The following HSPA13 variants were observed in gnomAD, a reference collection of about 807,000 sequenced individuals.
HSPA13 encodes heat shock protein family A (Hsp70) member 13.
HSPA13 carries 29 observed loss-of-function variants against 38.8 expected under a neutral mutation model. That is an observed-to-expected ratio of 0.75 (90% CI 0.56 to 1.02). HSPA13 has a LOEUF of 1.02. Among genes scored for constraint, HSPA13 ranks in the 50% least tolerant of loss-of-function variants. HSPA13 has a pLI of 0.00. For synonymous variants in HSPA13, 192 were observed against 205.3 expected (o/e 0.94, Z 0.56); for missense variants, 451 against 560.9 (o/e 0.80, Z 1.98).
Position 14,371,836 on chromosome 21 carries a change from G to T in HSPA13, c.*1781C>A, listed in dbSNP as rs1052727060. On this transcript the variant is annotated 3_prime_UTR_variant, in exon 5 of 5. Coordinates refer to ENST00000285667, the MANE Select transcript of HSPA13 (RefSeq NM_006948.5). Reference sequence around the variant, plus strand: ...AACACTTTTAGAAGACCTTCACAAAGAATTTTTCAATTCTAAAATCTATTA... The same window carrying T: ...AACACTTTTAGAAGACCTTCACAAATAATTTTTCAATTCTAAAATCTATTA... The T allele has an allele frequency of 1.3e-5, 2 of 152,318 alleles. No homozygotes were observed. The highest frequency in any genetic ancestry group is 4.8e-5 in the African/African-American group (2 of 41,408). The allele number at this position is 152,318 out of a possible 1,614,324, so 9.4% of individuals were successfully genotyped here.
At position 14,371,749 on chromosome 21, in the gene HSPA13, A is replaced by G. The variant is rs746486986; in HGVS notation, c.*1868T>C. ...TCTTGAACATCTCAAACATTTGAGA[A>G]ATTCAAGGTTTTCTTTATGTTTTAA... On this transcript the variant is annotated 3_prime_UTR_variant, in exon 5 of 5. Transcript: ENST00000285667. 5.3e-5 allele frequency: 8 copies of G among 152,122 alleles called. No homozygotes were observed. The highest frequency in any genetic ancestry group is 8.8e-5 in the Non-Finnish European group (6 of 67,944). 9.4% of individuals were successfully genotyped at this position (152,122 alleles called of 1,614,324 possible).
intron 2 of HSPA13, among the ~76,000 whole-genome samples, chr21:14,379,610 G>C (rs1418608992): frequency 2.0e-5 from 3 of 152,094 alleles, no homozygotes; most frequent in Non-Finnish European, 4.4e-5. Context: ...GTAATTCAGA[G>C]GGCATATATA....
At position 14,373,559 on chromosome 21, in the gene HSPA13, T is replaced by C; in HGVS notation, c.*58A>G. ...ACTTTCTTTTGTGGAAAAGGTAATCTGATAAATGGGAAGAGATCATCAGAC... is the reference window on the plus strand; with the variant it reads ...ACTTTCTTTTGTGGAAAAGGTAATCCGATAAATGGGAAGAGATCATCAGAC... On this transcript the variant is annotated 3_prime_UTR_variant, in exon 5 of 5. Transcript: ENST00000285667. 7.2e-7 allele frequency: 1 copy of C among 1,388,280 alleles called. No homozygotes were observed. The highest frequency in any genetic ancestry group is 9.8e-7 in the Non-Finnish European group (1 of 1,019,476). 86.0% of individuals were successfully genotyped at this position (1,388,280 alleles called of 1,614,324 possible).
chr21:14,375,565 C>T, intron 4 of HSPA13, 87 bp downstream of exon 4: 1 of 931,074 alleles, frequency 1.1e-6, no homozygotes, highest in Non-Finnish European at 1.6e-6. Context: ...ATCTCCCCAT[C>T]TCGTGATCCA....
rs757528739 is a variant in HSPA13 at position 14,373,703 on chromosome 21, C to T, written c.1330G>A (p.Ala444Thr). Reference sequence around the variant, plus strand: ...GGCCAAGAGCCTCCATCAATCCCTGCTTGGATAGCCACTCCCGTTACTACT... The same window carrying T: ...GGCCAAGAGCCTCCATCAATCCCTGTTTGGATAGCCACTCCCGTTACTACT... ...LAVVTGVAIQAGIDGGSWPLQ... is the reference protein window; with the variant it reads ...LAVVTGVAIQTGIDGGSWPLQ... The change falls in exon 5 of 5, where the codon GCA becomes ACA. Residue 444 changes from alanine to threonine, a missense_variant. By Grantham distance (58) the Ala-to-Thr change is moderately conservative. Coordinates refer to ENST00000285667, the MANE Select transcript of HSPA13 (RefSeq NM_006948.5). The T allele has an allele frequency of 6.2e-7, 1 of 1,614,132 alleles. No individual in the cohort carries two copies. Among genetic ancestry groups the T allele is most frequent in the Non-Finnish European group, 8.5e-7 (1 of 1,180,004 alleles).
chr21:14,381,684 T>C (rs1418560513), intron 1 of HSPA13, 141 bp from the exon 2 acceptor site: 3 of 583,662 alleles, frequency 5.1e-6, no homozygotes, highest in East Asian at 2.9e-5. Flanking sequence ...GGACTGCTGA[T>C]AGCACTCCTC....
At position 14,381,419 on chromosome 21, in the gene HSPA13, AG is replaced by A. The variant is rs1984165680; in HGVS notation, c.149del (p.Pro50LeufsTer6). On this transcript the variant is annotated frameshift_variant, in exon 2 of 5. Transcript: ENST00000285667. LOFTEE classifies it high-confidence loss of function. ...TTYCSVGVFF[P>X]GTGKVKVIPD... is the part of the protein sequence containing the mutation. ...GAATCACCTTTACTTTTCCTGTGCCAGGAAAAAACACCCCAACAGAACAATA... is the reference window on the plus strand; with the variant it reads ...GAATCACCTTTACTTTTCCTGTGCCAGAAAAAACACCCCAACAGAACAATA... The A allele has an allele frequency of 9.3e-6, 15 of 1,614,168 alleles. No homozygotes were observed. The highest frequency in any genetic ancestry group is 1.3e-5 in the Non-Finnish European group (15 of 1,180,018).
rs780611392 is a variant in HSPA13 at position 14,381,304 on chromosome 21, C to T, written c.265G>A (p.Asp89Asn). 1 of 1,614,100 alleles carries T rather than the reference C, an allele frequency of 6.2e-7. No individual in the cohort carries two copies. The highest frequency in any genetic ancestry group is 1.7e-5 in the Admixed American group (1 of 60,024). ...YVGYESVELA[D>N]SNPQNTIYDA... ...TATATTGTGTTTTGAGGATTTGAAT[C>T]TGCCAGCTCTACGCTTTCATATCCC... Residue 89 changes from aspartate to asparagine, a missense_variant, in exon 2 of 5, where the codon GAT (aspartate) becomes AAT (asparagine). Asp to Asn is a conservative substitution (Grantham distance 23). Transcript: ENST00000285667.
rs1305066043 is a variant in HSPA13, at chr21:14,372,689, A to T, written c.*928T>A. 2 of 152,216 alleles carry T rather than the reference A, an allele frequency of 1.3e-5. No individual in the cohort carries two copies. The highest frequency in any genetic ancestry group is 2.9e-5 in the Non-Finnish European group (2 of 67,998). 9.4% of individuals were successfully genotyped at this position (152,216 alleles called of 1,614,324 possible). ...GGAACCAAAACCATTTAGTAGCTCA[A>T]TTCCATGCTATATTCCCCAGGGCTT... is the stretch of plus-strand genomic sequence containing the variant. On this transcript the variant is annotated 3_prime_UTR_variant, in exon 5 of 5. Coordinates refer to ENST00000285667, the MANE Select transcript of HSPA13 (RefSeq NM_006948.5).
chr21:14,375,580 C>T, intron 4 of HSPA13, 72 bp downstream of exon 4: 13 of 1,319,040 alleles, frequency 9.9e-6, no homozygotes, highest in Non-Finnish European at 1.4e-5. Flanking sequence ...GATCCACCCG[C>T]CTCGGCCTCC....
rs1052408199 is a variant in HSPA13, at chr21:14,371,712, A to G, written c.*1905T>C. ...CAATTGTTTCCAAAAGCATTAACGG[A>G]TTAAGAGACTGTCTTGAACATCTCA... is the stretch of plus-strand genomic sequence containing the variant. On this transcript the variant is annotated 3_prime_UTR_variant, in exon 5 of 5. Coordinates refer to ENST00000285667, the MANE Select transcript of HSPA13 (RefSeq NM_006948.5). The G allele has an allele frequency of 1.3e-5, 2 of 152,142 alleles. No individual in the cohort carries two copies. Among genetic ancestry groups the G allele is most frequent in the Non-Finnish European group, 2.9e-5 (2 of 67,952 alleles). 9.4% of individuals were successfully genotyped at this position (152,142 alleles called of 1,614,324 possible).
At position 14,373,544 on chromosome 21, in the gene HSPA13, G is replaced by A; in HGVS notation, c.*73C>T. 1 of 1,286,702 alleles carries A rather than the reference G, an allele frequency of 7.8e-7. No homozygotes were observed. Among genetic ancestry groups the A allele is most frequent in the Non-Finnish European group, 1.1e-6 (1 of 939,466 alleles). The allele number at this position is 1,286,702 out of a possible 1,614,324, so 79.7% of individuals were successfully genotyped here. A position where few individuals can be genotyped will look rare whatever the true frequency, so the allele number is the denominator to read the frequency against. ...TGTGATATTTTAGAGACTTTCTTTT[G>A]TGGAAAAGGTAATCTGATAAATGGG... On this transcript the variant is annotated 3_prime_UTR_variant, in exon 5 of 5. Coordinates refer to ENST00000285667, the MANE Select transcript of HSPA13 (RefSeq NM_006948.5).
rs1984163406 is a variant in HSPA13 at position 14,381,346 on chromosome 21, C to T, written c.223G>A (p.Asp75Asn). Residue 75 changes from aspartate to asparagine, a missense_variant, in exon 2 of 5, where the codon GAC becomes AAC. Coordinates refer to ENST00000285667, the MANE Select transcript of HSPA13 (RefSeq NM_006948.5). ...TCATATCCCACATATACATCATTGT[C>T]AGTAAAAGACACCATGCTGGGTATG... The part of the protein sequence containing the change: ...ISIPSMVSFT[D>N]NDVYVGYESV... 1 of 1,614,010 alleles carries T rather than the reference C, an allele frequency of 6.2e-7. No individual in the cohort carries two copies. Among genetic ancestry groups the T allele is most frequent in the Non-Finnish European group, 8.5e-7 (1 of 1,180,024 alleles).
intron 3 of HSPA13, among the ~76,000 whole-genome samples, chr21:14,376,583 G>A (rs1984033860): frequency 6.6e-6 from 1 of 152,180 alleles, no homozygotes; most frequent in Non-Finnish European, 1.5e-5. Flanking sequence ...ATGGCATTAT[G>A]TATCAGGAGC....
Position 14,378,336 on chromosome 21 carries a change from C to G in HSPA13, c.443G>C (p.Gly148Ala). 6.2e-7 allele frequency: 1 copy of G among 1,614,004 alleles called. No homozygotes were observed. The change falls in exon 3 of 5, where the codon GGC (glycine) becomes GCC (alanine). Residue 148 changes from glycine (G) to alanine (A), a missense_variant. Gly to Ala is a moderately conservative substitution (Grantham distance 60). Coordinates refer to ENST00000285667, the MANE Select transcript of HSPA13 (RefSeq NM_006948.5). ...CTTTAACTTCAACAATAGTCGAGAG[C>G]CAACATATTCTGGGGACACTGTGAT... is the stretch of plus-strand genomic sequence containing the variant. ...ETITVSPEYV[G>A]SRLLLKLKEM...
Position 14,373,993 on chromosome 21 carries a change from C to T in HSPA13, c.1040G>A (p.Arg347His), listed in dbSNP as rs556896876. The change falls in exon 5 of 5, where the codon CGT (arginine) becomes CAT (histidine). Residue 347 changes from arginine (R) to histidine (H), a missense_variant. Coordinates refer to ENST00000285667, the MANE Select transcript of HSPA13 (RefSeq NM_006948.5). ...DDHRVNSGFGRGLSDKKSGES... is the reference protein window; with the variant it reads ...DDHRVNSGFGHGLSDKKSGES... ...TCCACTTTTCTTATCAGAAAGGCCA[C>T]GTCCAAACCCACTGTTCACGCGATG... is the stretch of plus-strand genomic sequence containing the variant. 4.2e-5 allele frequency: 68 copies of T among 1,614,176 alleles called. No homozygotes were observed. The South Asian group carries it at 5.4e-4, about 13-fold the overall frequency.
rs1225570431 is a variant in HSPA13, at chr21:14,373,983, A to C, written c.1050T>G (p.Ser350=). The C allele has an allele frequency of 3.7e-6, 6 of 1,614,094 alleles. No individual in the cohort carries two copies. Among genetic ancestry groups the C allele is most frequent in the Non-Finnish European group, 5.1e-6 (6 of 1,180,038 alleles). Reference sequence around the variant, plus strand: ...CCTGACTTTCTCCACTTTTCTTATCAGAAAGGCCACGTCCAAACCCACTGT... The same window carrying C: ...CCTGACTTTCTCCACTTTTCTTATCCGAAAGGCCACGTCCAAACCCACTGT... ...RVNSGFGRGL[S]DKKSGESQVL... Residue 350 remains serine (S), a synonymous_variant, in exon 5 of 5, where the codon TCT becomes TCG. Coordinates refer to ENST00000285667, the MANE Select transcript of HSPA13 (RefSeq NM_006948.5).
chr21:14,378,928 T>C (rs1470646759), intron 2 of HSPA13, among the ~76,000 whole-genome samples: 2 of 152,088 alleles, frequency 1.3e-5, no homozygotes, highest in African/African-American at 4.8e-5. Context: ...CACACTAGTT[T>C]TTAATAACAG....
rs546609775 is a variant in HSPA13, at chr21:14,372,226, C to T, written c.*1391G>A. On this transcript the variant is annotated 3_prime_UTR_variant, in exon 5 of 5. Coordinates refer to ENST00000285667, the MANE Select transcript of HSPA13 (RefSeq NM_006948.5). ...CAATGGATAAAGCAGAGATACTTTACAATAAAAAACAAAAAAAGGTGATCA... is the reference window on the plus strand; with the variant it reads ...CAATGGATAAAGCAGAGATACTTTATAATAAAAAACAAAAAAAGGTGATCA... The T allele has an allele frequency of 6.6e-6, 1 of 150,892 alleles. No homozygotes were observed. The highest frequency in any genetic ancestry group is 6.6e-5 in the Admixed American group (1 of 15,154). 9.3% of individuals were successfully genotyped at this position (150,892 alleles called of 1,614,324 possible).
Sources: allele counts gnomAD v4.1 joint callset (sites outside exome capture counted in the v4.1 genomes callset), GRCh38; gene constraint gnomAD v4.1.1; transcripts MANE v1.5; gene names NCBI Gene and HGNC (gene_info 2026-07-23, HGNC 2026-07-21).